EPHA6: variants seen among roughly 807,000 people sequenced by gnomAD.
EPHA6 encodes the protein EPH receptor A6.
A neutral mutation model predicts 112.0 loss-of-function variants in EPHA6; 50 were observed. That is an observed-to-expected ratio of 0.45 (90% confidence interval 0.36 to 0.56). The LOEUF (loss-of-function observed/expected upper bound fraction) is 0.56. Ranked by LOEUF, EPHA6 falls within the 20% of genes least tolerant of loss-of-function variation. EPHA6 has a pLI of 0.00. For missense variants in EPHA6, 1,280 were observed against 1,417.4 expected, an observed-to-expected ratio of 0.90 and a Z score of 1.56; for synonymous variants, 529 against 490.7, an observed-to-expected ratio of 1.08 and a Z score of -1.03.
At chr3:97,285,735 C>A (rs967117475) in intron 5 of EPHA6, among the ~76,000 whole-genome samples, 1 of 151,990 alleles carries the variant, frequency 6.6e-6, no homozygotes, top group South Asian at 2.1e-4. Flanking sequence ...GATAAATACC[C>A]AGTAGTGGGA....
intron 2 of EPHA6, among the ~76,000 whole-genome samples, chr3:96,904,938 C>T (rs2038847784): frequency 6.6e-6 from 1 of 152,016 alleles, no homozygotes. Context: ...AAGCTAGCAC[C>T]CTTGTTTATG....
chr3:97,484,292 T>C (rs950791902), intron 10 of EPHA6, among the ~76,000 whole-genome samples: 2 of 152,168 alleles, frequency 1.3e-5, no homozygotes, highest in African/African-American at 4.8e-5. Flanking sequence ...TCTTTTTTTA[T>C]AGTAGAGATA....
chr3:97,098,746 G>A (rs899946155), intron 3 of EPHA6, among the ~76,000 whole-genome samples: 25 of 151,800 alleles, frequency 1.6e-4, no homozygotes, highest in Middle Eastern at 3.2e-3. Context: ...TTCGTAGTCT[G>A]TATTATAACA....
intron 14 of EPHA6, among the ~76,000 whole-genome samples, chr3:97,699,183 T>C (rs937947046): frequency 2.6e-5 from 4 of 152,194 alleles, no homozygotes; most frequent in African/African-American, 9.6e-5. Flanking sequence ...CCTCTTCACT[T>C]CCTGCAGATA....
At chr3:97,581,762 T>G in intron 11 of EPHA6, among the ~76,000 whole-genome samples, 1 of 152,256 alleles carries the variant, frequency 6.6e-6, no homozygotes, top group African/African-American at 2.4e-5. Context: ...TCCACACCTG[T>G]GCTCTTCCCA....
intron 5 of EPHA6, among the ~76,000 whole-genome samples, chr3:97,337,796 T>C (rs956138175): frequency 1.3e-5 from 2 of 152,062 alleles, no homozygotes; most frequent in South Asian, 4.2e-4. Context: ...AATTCAAGGG[T>C]TTCATTGATA....
chr3:97,241,401 G>A (rs1281061831), intron 4 of EPHA6, among the ~76,000 whole-genome samples: 1 of 151,662 alleles, frequency 6.6e-6, no homozygotes, highest in Non-Finnish European at 1.5e-5. Flanking sequence ...TCAACATAAG[G>A]AAATACCTGG....
At position 97,225,583 on chromosome 3, in the gene EPHA6, T is replaced by C. The variant is rs575858958; in HGVS notation, c.1115-681T>C. Among the ~76,000 whole-genome samples, 88 of 152,296 alleles carry C rather than the reference T, an allele frequency of 5.8e-4. 1 individual carries two copies. The highest frequency in any genetic ancestry group is 2.6e-4 in the Non-Finnish European group (18 of 68,026). ...TATTAATAAGTTATTGAAGAGACTA[T>C]TGTATATTTGTGTACCACCACTCCT... On this transcript the variant is annotated intron_variant, in intron 3 of 17. Transcript: ENST00000389672.
chr3:96,871,717 T>C (rs1415788823), intron 2 of EPHA6, among the ~76,000 whole-genome samples: 1 of 152,098 alleles, frequency 6.6e-6, no homozygotes, highest in Non-Finnish European at 1.5e-5. Flanking sequence ...TACAAAAATA[T>C]ATGAACCCTC....
At chr3:97,624,200 C>T (rs2093836340) in intron 13 of EPHA6, among the ~76,000 whole-genome samples, 1 of 151,538 alleles carries the variant, frequency 6.6e-6, no homozygotes, top group African/African-American at 2.4e-5. Flanking sequence ...TTTATTATGT[C>T]AAAGTAATTT....
rs554512043 is a variant in EPHA6 at position 97,728,129 on chromosome 3, A to G, written c.2934+7719A>G. Among the ~76,000 whole-genome samples, 5 of 152,152 alleles carry G rather than the reference A, an allele frequency of 3.3e-5. No individual in the cohort carries two copies. The South Asian group carries it at 8.3e-4, about 25-fold the overall frequency. On this transcript the variant is annotated intron_variant, in intron 15 of 17. Coordinates refer to ENST00000389672, the MANE Select transcript of EPHA6 (RefSeq NM_001080448.3). ...GAGCCTTTACAAAGAGAGCATTTTC[A>G]AATTCCCTTTTTCTTTGTAGTCATA...
chr3:97,392,657 A>G (rs1003380554), intron 5 of EPHA6, among the ~76,000 whole-genome samples: 2 of 151,750 alleles, frequency 1.3e-5, no homozygotes, highest in Non-Finnish European at 3.0e-5. Flanking sequence ...TTGCATGTAA[A>G]GCTTTATCTG....
chr3:97,645,591 A>T (rs2094053205), intron 14 of EPHA6, among the ~76,000 whole-genome samples: 1 of 151,496 alleles, frequency 6.6e-6, no homozygotes, highest in South Asian at 2.1e-4. Flanking sequence ...GGTGCAGTGC[A>T]CCAGCATGGC....
rs549686365 is a variant in EPHA6 at position 97,538,911 on chromosome 3, T to C, written c.2386+6368T>C. Among the ~76,000 whole-genome samples the C allele has an allele frequency of 3.3e-3, 498 of 152,288 alleles. 3 individuals are homozygous for C. Among genetic ancestry groups the C allele is most frequent in the African/African-American group, 0.011 (464 of 41,562 alleles). On this transcript the variant is annotated intron_variant, in intron 11 of 17. Coordinates refer to ENST00000389672, the MANE Select transcript of EPHA6 (RefSeq NM_001080448.3). Reference sequence around the variant, plus strand: ...TTACTTAAATTCCAAATGTTCAGCATTTTTCAGTTAATCATTAATCTAGTA... The same window carrying C: ...TTACTTAAATTCCAAATGTTCAGCACTTTTCAGTTAATCATTAATCTAGTA...
intron 5 of EPHA6, among the ~76,000 whole-genome samples, chr3:97,363,517 T>C (rs1295019893): frequency 2.6e-5 from 4 of 151,744 alleles, no homozygotes; most frequent in Non-Finnish European, 5.9e-5. Flanking sequence ...GCATGCTAAT[T>C]TGCTTTTTCA....
intron 10 of EPHA6, among the ~76,000 whole-genome samples, chr3:97,486,604 C>T (rs2091705385): frequency 1.3e-5 from 2 of 152,174 alleles, no homozygotes; most frequent in Non-Finnish European, 2.9e-5. Flanking sequence ...GCTGACCTCT[C>T]CCTTTTATGA....
At chr3:97,052,393 C>A (rs543319032) in intron 3 of EPHA6, among the ~76,000 whole-genome samples, 22 of 152,148 alleles carry the variant, frequency 1.4e-4, no homozygotes, top group African/African-American at 5.3e-4. Flanking sequence ...GCTTCTGTTG[C>A]AGTTAGTTGC....
chr3:97,467,456 G>A (rs2091092871), intron 7 of EPHA6, among the ~76,000 whole-genome samples: 1 of 151,618 alleles, frequency 6.6e-6, no homozygotes, highest in African/African-American at 2.4e-5. Context: ...ATAACCCCAA[G>A]TGCATAGATA....
At chr3:97,431,878 C>T (rs1411173706) in intron 6 of EPHA6, among the ~76,000 whole-genome samples, 1 of 152,068 alleles carries the variant, frequency 6.6e-6, no homozygotes, top group Non-Finnish European at 1.5e-5. Flanking sequence ...GCGGTACCTG[C>T]CAGATGTATA....
Sources: allele counts gnomAD v4.1 joint callset (sites outside exome capture counted in the v4.1 genomes callset), GRCh38; gene constraint gnomAD v4.1.1; transcripts MANE v1.5; gene names NCBI Gene and HGNC (gene_info 2026-07-23, HGNC 2026-07-21).